Variants in CAMTA1 observed in about 807,000 individuals in gnomAD.
The protein encoded by CAMTA1 is calmodulin-binding transcription activator 1.
Under a neutral mutation model 170.9 loss-of-function variants are expected in CAMTA1, and 27 were observed. That is an observed-to-expected ratio of 0.16 (90% confidence interval 0.12 to 0.22). The LOEUF is 0.22. Ranked by LOEUF, CAMTA1 falls within the 10% of genes least tolerant of loss-of-function variation. CAMTA1 has a pLI of 1.00. For missense variants in CAMTA1, 1,619 were observed against 2,217.2 expected, an observed-to-expected ratio of 0.73 and a Z score of 5.42; for synonymous variants, 833 against 891.5, an observed-to-expected ratio of 0.93 and a Z score of 1.17.
intron 4 of CAMTA1, among the ~76,000 whole-genome samples, chr1:7,094,653 A>G (rs562006687): frequency 6.6e-6 from 1 of 152,174 alleles, no homozygotes; most frequent in East Asian, 1.9e-4. Context: ...ATTACAGAGA[A>G]GGCCCCGGGA....
At chr1:7,410,854 C>T (rs1043480703) in intron 5 of CAMTA1, among the ~76,000 whole-genome samples, 1 of 151,832 alleles carries the variant, frequency 6.6e-6, no homozygotes, top group East Asian at 1.9e-4. Context: ...AGTTGTGTCA[C>T]TAAAGGGGTT....
chr1:7,188,442 A>G (rs1223397994), intron 4 of CAMTA1, among the ~76,000 whole-genome samples: 1 of 151,938 alleles, frequency 6.6e-6, no homozygotes, highest in East Asian at 1.9e-4. Context: ...CCAAACTGAA[A>G]CTCTGTACCC....
intron 3 of CAMTA1, among the ~76,000 whole-genome samples, chr1:6,831,635 G>T (rs1650203894): frequency 6.6e-6 from 1 of 152,118 alleles, no homozygotes; most frequent in Admixed American, 6.5e-5. Flanking sequence ...CCCTAAATAT[G>T]TTCAAATCAC....
intron 6 of CAMTA1, among the ~76,000 whole-genome samples, chr1:7,531,546 C>A (rs2094492497): frequency 1.3e-5 from 2 of 152,212 alleles, no homozygotes; most frequent in Admixed American, 1.3e-4. Context: ...AAGGAGATCT[C>A]CAGGAAGGAG....
intron 4 of CAMTA1, among the ~76,000 whole-genome samples, chr1:7,230,766 C>A (rs1227791597): frequency 6.6e-6 from 1 of 152,198 alleles, no homozygotes; most frequent in Non-Finnish European, 1.5e-5. Context: ...ACTCCTGGAC[C>A]CAGCCCCAGC....
At chr1:7,261,358 A>G (rs1668139526) in intron 5 of CAMTA1, among the ~76,000 whole-genome samples, 1 of 152,230 alleles carries the variant, frequency 6.6e-6, no homozygotes, top group African/African-American at 2.4e-5. Flanking sequence ...GTTTTGCAGC[A>G]GCTGAGATGC....
chr1:6,931,500 C>T (rs1305563152), intron 3 of CAMTA1, among the ~76,000 whole-genome samples: 1 of 152,144 alleles, frequency 6.6e-6, no homozygotes, highest in Non-Finnish European at 1.5e-5. Flanking sequence ...TAAAGAATCA[C>T]GCAGATGATA....
chr1:7,737,150 G>A, intron 14 of CAMTA1, 105 bp from the exon 15 acceptor site: 18 of 1,358,616 alleles, frequency 1.3e-5, no homozygotes, highest in Non-Finnish European at 1.9e-5. Flanking sequence ...TGGCCCCACC[G>A]AGATTGCCAG....
Position 7,681,010 on chromosome 1 carries a change from T to C in CAMTA1, c.2914+3277T>C, listed in dbSNP as rs1012586016. On this transcript the variant is annotated intron_variant, in intron 11 of 22. Transcript: ENST00000303635. The surrounding 1 kb of genome is among the most constrained non-coding windows in gnomAD (Gnocchi z 4.6). ...GGGGCCGGGGGGCAGGGACCCGACGTCCCCAAAATCTCAGCTGGGGCGCAG... is the reference window on the plus strand; with the variant it reads ...GGGGCCGGGGGGCAGGGACCCGACGCCCCCAAAATCTCAGCTGGGGCGCAG... Among the ~76,000 whole-genome samples the C allele has an allele frequency of 4.6e-5, 7 of 152,008 alleles. No homozygotes were observed. The highest frequency in any genetic ancestry group is 1.7e-4 in the African/African-American group (7 of 41,492).
chr1:7,456,369 G>A lies in CAMTA1; in HGVS notation c.439-11461G>A, dbSNP rs1319619542. Reference sequence around the variant, plus strand: ...CTCTGGAGACCAGCTCTAGCCACTTGGCAGGGCTCCAAGAAATAGGTCTCA... The same window carrying A: ...CTCTGGAGACCAGCTCTAGCCACTTAGCAGGGCTCCAAGAAATAGGTCTCA... On this transcript the variant is annotated intron_variant, in intron 5 of 22. Transcript: ENST00000303635. This position sits in a 1 kb window ranked among gnomAD's most constrained non-coding sequence, Gnocchi z 4.9. Among the ~76,000 whole-genome samples, 3 of 152,184 alleles carry A rather than the reference G, an allele frequency of 2.0e-5. No homozygotes were observed. The highest frequency in any genetic ancestry group is 1.3e-4 in the Admixed American group (2 of 15,280).
intron 5 of CAMTA1, among the ~76,000 whole-genome samples, chr1:7,279,659 C>T (rs1477063612): frequency 6.6e-6 from 1 of 152,150 alleles, no homozygotes; most frequent in East Asian, 1.9e-4. Flanking sequence ...CGGCACCGTG[C>T]CGAGGGCCAA....
intron 5 of CAMTA1, among the ~76,000 whole-genome samples, chr1:7,263,273 A>C (rs1668439497): frequency 6.6e-6 from 1 of 152,202 alleles, no homozygotes; most frequent in African/African-American, 2.4e-5. Context: ...AGAAATAAAG[A>C]ATCTGTTTTT....
intron 11 of CAMTA1, among the ~76,000 whole-genome samples, chr1:7,722,704 A>G (rs2096657675): frequency 6.6e-6 from 1 of 152,058 alleles, no homozygotes; most frequent in South Asian, 2.1e-4. Flanking sequence ...TTAATATATC[A>G]ATAAGGTTTC....
intron 4 of CAMTA1, among the ~76,000 whole-genome samples, chr1:7,149,389 T>C (rs562065594): frequency 1.3e-5 from 2 of 152,300 alleles, no homozygotes; most frequent in South Asian, 4.1e-4. Flanking sequence ...GGGACTTTGC[T>C]CATTTTCTGC....
rs1460759822 is a variant in CAMTA1 at position 7,547,112 on chromosome 1, C to A, written c.510+79211C>A. Among the ~76,000 whole-genome samples the A allele has an allele frequency of 6.6e-6, 1 of 152,160 alleles. No homozygotes were observed. Among genetic ancestry groups the A allele is most frequent in the African/African-American group, 2.4e-5 (1 of 41,430 alleles). ...CAGATTTGGTTGGTGGACCTCCATT[C>A]AAGCTGGTTTCTGGGTCATTTGATA... On this transcript the variant is annotated intron_variant, in intron 6 of 22. Transcript: ENST00000303635. The surrounding 1 kb of genome is among the most constrained non-coding windows in gnomAD (Gnocchi z 5.7).
At chr1:6,902,039 T>TCTCACA (rs1553180384) in intron 3 of CAMTA1, among the ~76,000 whole-genome samples, 11 of 114,372 alleles carry the variant, frequency 9.6e-5, no homozygotes, top group African/African-American at 3.8e-4. Context: ...GGTGAGACTG[T>TCTCACA]CACACACACA....
Position 7,493,440 on chromosome 1 carries a change from CAT to C in CAMTA1, c.510+25541_510+25542del, listed in dbSNP as rs1491160356. 4.2e-3 allele frequency among the ~76,000 whole-genome samples: 602 copies of C among 144,900 alleles called. 5 individuals are homozygous for C. Among genetic ancestry groups the C allele is most frequent in the African/African-American group, 0.015 (558 of 38,206 alleles). ...CTACATACACACATGCACACACAAACATACAAACACACGTGCAAACACACAAA... is the reference window on the plus strand; with the variant it reads ...CTACATACACACATGCACACACAAACACAAACACACGTGCAAACACACAAA... On this transcript the variant is annotated intron_variant, in intron 6 of 22. Transcript: ENST00000303635.
intron 3 of CAMTA1, among the ~76,000 whole-genome samples, chr1:6,905,185 T>C (rs1228564839): frequency 6.9e-6 from 1 of 144,212 alleles, no homozygotes; most frequent in East Asian, 2.1e-4. Context: ...CCTTGCCTTG[T>C]TCCTTTTTTT....
rs2096219962 is a variant in CAMTA1 at position 7,682,684 on chromosome 1, G to C, written c.2914+4951G>C. Among the ~76,000 whole-genome samples the C allele has an allele frequency of 6.6e-6, 1 of 152,224 alleles. No individual in the cohort carries two copies. Among genetic ancestry groups the C allele is most frequent in the African/African-American group, 2.4e-5 (1 of 41,456 alleles). ...AGGGACAGTGGGAAAGGCCATTCTAGCTGGGACACTGGTCCCTGGGAGGCC... is the reference window on the plus strand; with the variant it reads ...AGGGACAGTGGGAAAGGCCATTCTACCTGGGACACTGGTCCCTGGGAGGCC... On this transcript the variant is annotated intron_variant, in intron 11 of 22. Transcript: ENST00000303635. This position sits in a 1 kb window ranked among gnomAD's most constrained non-coding sequence, Gnocchi z 5.0.
Sources: gnomAD v4.1 joint callset for allele counts (sites outside exome capture counted in the v4.1 genomes callset) on GRCh38, gnomAD v4.1.1 for gene constraint, Gnocchi (gnomAD v3.1) non-coding constraint, MANE v1.5 for transcripts, NCBI Gene and HGNC (gene_info 2026-07-23, HGNC 2026-07-21) for gene names.